NCBP2: variants seen among roughly 807,000 people sequenced by gnomAD.
The protein encoded by NCBP2 is nuclear cap-binding protein subunit 2.
Under a neutral mutation model 21.5 loss-of-function variants are expected in NCBP2, and 8 were observed. The ratio of observed to expected loss-of-function variants is 0.37; its 90% CI spans 0.22 to 0.67. The LOEUF is 0.67. Ranked by LOEUF, NCBP2 falls within the 30% of genes least tolerant of loss-of-function variation. NCBP2 has a pLI of 0.56. For missense variants in NCBP2, 127 were observed against 206.9 expected (o/e 0.61, Z 2.37); for synonymous variants, 92 against 75.8 (o/e 1.21, Z -1.11).
At chr3:196,939,055 TAAAG>T (rs1393289280) in intron 2 of NCBP2, 192 bp downstream of exon 2, 20 of 461,648 alleles carry the variant, frequency 4.3e-5, no homozygotes, top group South Asian at 2.7e-4. Flanking sequence ...AACTTTTTGT[TAAAG>T]AACCATAAAG....
intron 3 of NCBP2, 154 bp from the exon 4 acceptor site, chr3:196,937,236 GT>G: frequency 1.2e-6 from 1 of 837,482 alleles, no homozygotes; most frequent in Non-Finnish European, 1.9e-6. Flanking sequence ...ACTTCAGTGC[GT>G]TTTGCTTTCA....
At chr3:196,939,192 G>C in intron 2 of NCBP2, 59 bp downstream of exon 2, 1 of 1,501,732 alleles carries the variant, frequency 6.7e-7, no homozygotes, top group Non-Finnish European at 9.3e-7. Context: ...ACGCTTATGA[G>C]CTACCACTCT....
chr3:196,939,505 G>C (rs1446220375), intron 1 of NCBP2, 73 bp from the exon 2 acceptor site: 14 of 1,112,908 alleles, frequency 1.3e-5, no homozygotes, highest in African/African-American at 1.6e-5. Flanking sequence ...AAGTACGGTA[G>C]AGACATTCAT....
At position 196,937,625 on chromosome 3, in the gene NCBP2, TCCG is replaced by T; in HGVS notation, c.281_283del (p.Ala94del). The T allele has an allele frequency of 6.2e-7, 1 of 1,614,218 alleles. No homozygotes were observed. On this transcript the variant is annotated inframe_deletion, in exon 3 of 4. Transcript: ENST00000321256. ...CCCATTTATGTACCGCATGGCGTTT[TCCG>T]CATCTGCGCGTGAGTAATATCTTAA...
intron 1 of NCBP2, among the ~76,000 whole-genome samples, chr3:196,940,667 AAAG>A (rs1193916602): frequency 1.3e-5 from 2 of 152,202 alleles, no homozygotes; most frequent in Non-Finnish European, 2.9e-5. Context: ...GCATCTAAAA[AAAG>A]CTACAGGTTT....
At chr3:196,942,098 G>A (rs1453148633) in intron 1 of NCBP2, 16 of 1,491,798 alleles carry the variant, frequency 1.1e-5, no homozygotes, top group African/African-American at 1.4e-5. Flanking sequence ...CCCTTGCTAC[G>A]TAGTCGTCTG....
rs933109523 is a variant in NCBP2, at chr3:196,940,016, A to G, written c.79-584T>C. 5.3e-5 allele frequency: 8 copies of G among 152,340 alleles called. 1 individual carries two copies. Among genetic ancestry groups the G allele is most frequent in the Non-Finnish European group, 8.8e-5 (6 of 68,156 alleles). 9.4% of individuals were successfully genotyped at this position (152,340 alleles called of 1,614,324 possible). ...ATGACAGGATGAAGCCAGAGACTTA[A>G]GCATATAACTGGGCTTCATCCAACA... On this transcript the variant is annotated intron_variant, in intron 1 of 3. Coordinates refer to ENST00000321256, the MANE Select transcript of NCBP2 (RefSeq NM_007362.5).
chr3:196,936,258 ATGTATGAAGCATGGAAGCAGTGC>A lies in NCBP2; in HGVS notation c.*730_*752del, dbSNP rs1454942228. ...ACTCAAGTTCTGGCCTCATTTCCTG[ATGTATGAAGCATGGAAGCAGTGC>A]TGTCCTGTGGAGATTGCTTTTGCAC... On this transcript the variant is annotated 3_prime_UTR_variant, in exon 4 of 4. Transcript: ENST00000321256. The A allele has an allele frequency of 1.3e-5, 2 of 152,120 alleles. No individual in the cohort carries two copies. The highest frequency in any genetic ancestry group is 4.8e-5 in the African/African-American group (2 of 41,404). The allele number at this position is 152,120 out of a possible 1,614,324, so 9.4% of individuals were successfully genotyped here.
In NCBP2 at chr3:196,936,879, A is replaced by G; in HGVS notation, c.*132T>C. ...TGGATTCTGTCCTTTAATAACTTTCAGAGGCTTCCAGCTCAGTAAAGACAC... is the reference window on the plus strand; with the variant it reads ...TGGATTCTGTCCTTTAATAACTTTCGGAGGCTTCCAGCTCAGTAAAGACAC... On this transcript the variant is annotated 3_prime_UTR_variant, in exon 4 of 4. Coordinates refer to ENST00000321256, the MANE Select transcript of NCBP2 (RefSeq NM_007362.5). 1.3e-6 allele frequency: 1 copy of G among 787,466 alleles called. No homozygotes were observed. The highest frequency in any genetic ancestry group is 2.2e-6 in the Non-Finnish European group (1 of 463,988). 48.8% of individuals were successfully genotyped at this position (787,466 alleles called of 1,614,324 possible).
chr3:196,942,025 A>C, intron 1 of NCBP2: 5 of 1,535,932 alleles, frequency 3.3e-6, no homozygotes, highest in Non-Finnish European at 4.4e-6. Flanking sequence ...CAAAGCAAAA[A>C]GCCCCGCATC....
chr3:196,936,740 A>G lies in NCBP2; in HGVS notation c.*271T>C, dbSNP rs1277959153. ...AGTGGTTATGGCTAAAGACTAATCA[A>G]CATTACAGATCCAATCTGTTGTCAA... On this transcript the variant is annotated 3_prime_UTR_variant, in exon 4 of 4. Transcript: ENST00000321256. The G allele has an allele frequency of 3.8e-6, 2 of 523,522 alleles. No homozygotes were observed. The highest frequency in any genetic ancestry group is 6.7e-5 in the Admixed American group (2 of 30,004). 32.4% of individuals were successfully genotyped at this position (523,522 alleles called of 1,614,324 possible).
intron 2 of NCBP2, chr3:196,938,492 AC>A (rs1478325328): frequency 6.6e-6 from 1 of 152,248 alleles, no homozygotes; most frequent in African/African-American, 2.4e-5. Flanking sequence ...AGTAAAAAGA[AC>A]ATAGGATAAA....
intron 3 of NCBP2, 44 bp from the exon 4 acceptor site, chr3:196,937,126 T>C (rs1716302285): frequency 6.3e-7 from 1 of 1,574,900 alleles, no homozygotes; most frequent in African/African-American, 1.3e-5. Flanking sequence ...AAAAGAATGG[T>C]GTAACAAATA....
At chr3:196,939,098 T>C in intron 2 of NCBP2, 153 bp downstream of exon 2, 2 of 591,670 alleles carry the variant, frequency 3.4e-6, no homozygotes, top group East Asian at 2.9e-5. Flanking sequence ...ATATAAATAG[T>C]ATCAGCTTTA....
intron 2 of NCBP2, chr3:196,937,858 T>C (rs1191903076): frequency 3.5e-6 from 2 of 573,324 alleles, no homozygotes; most frequent in Middle Eastern, 4.6e-4. Context: ...ACACTGATCA[T>C]ATTTCTTGGA....
chr3:196,937,134 A>G (rs750563455), intron 3 of NCBP2, 52 bp from the exon 4 acceptor site: 4 of 1,520,702 alleles, frequency 2.6e-6, no homozygotes, highest in African/African-American at 1.4e-5. Context: ...GGTGTAACAA[A>G]TATGCCTCCC....
rs752571025 is a variant in NCBP2, at chr3:196,939,165, TAGGGACGAGTGC to T, written c.260+74_260+85del. The T allele has an allele frequency of 1.3e-3, 1,633 of 1,222,938 alleles. 8 individuals are homozygous for T. In the African/African-American group the frequency reaches 0.017, roughly 13 times the overall value. The allele number at this position is 1,222,938 out of a possible 1,614,324, so 75.8% of individuals were successfully genotyped here. On this transcript the variant is annotated intron_variant, in intron 2 of 3. Coordinates refer to ENST00000321256, the MANE Select transcript of NCBP2 (RefSeq NM_007362.5). Reference sequence around the variant, plus strand: ...AGTAGGAGGGAGATGAAGGAAAACGTAGGGACGAGTGCAGGGACGCTTATGAGCTACCACTCT... The same window carrying T: ...AGTAGGAGGGAGATGAAGGAAAACGTAGGGACGCTTATGAGCTACCACTCT...
At chr3:196,940,010 G>GACTT (rs1716455507) in intron 1 of NCBP2, 1 of 152,338 alleles carries the variant, frequency 6.6e-6, no homozygotes, top group Non-Finnish European at 1.5e-5. Context: ...TGAAGCCAGA[G>GACTT]ACTTAAGCAT....
chr3:196,941,968 G>A (rs1560171784), intron 1 of NCBP2: 15 of 1,536,328 alleles, frequency 9.8e-6, no homozygotes, highest in African/African-American at 1.4e-5. Flanking sequence ...TCCTCCCAGA[G>A]AAGGGGCCCG....
Sources: gnomAD v4.1 joint callset for allele counts (sites outside exome capture counted in the v4.1 genomes callset) on GRCh38, gnomAD v4.1.1 for gene constraint, MANE v1.5 for transcripts, NCBI Gene and HGNC (gene_info 2026-07-23, HGNC 2026-07-21) for gene names.